The following HERC2 variants were observed in gnomAD, a reference collection of about 807,000 sequenced individuals.
The protein encoded by HERC2 is HECT and RLD domain containing E3 ubiquitin protein ligase 2.
A neutral mutation model predicts 537.7 loss-of-function variants in HERC2; 102 were observed. The ratio of observed to expected loss-of-function variants is 0.19; its 90% confidence interval spans 0.16 to 0.22. The LOEUF (loss-of-function observed/expected upper bound fraction) is 0.22, where lower values mean the gene tolerates loss of function less well. HERC2 is among the 10% of genes least tolerant of loss of function. HERC2 has a pLI of 1.00. For synonymous variants in HERC2, 2,224 were observed against 2,466.2 expected (o/e 0.90, Z 2.91); for missense variants, 4,236 against 6,198.2 (o/e 0.68, Z 10.63).
At chr15:28,248,447 A>G in intron 21 of HERC2, 105 bp downstream of exon 21, 2 of 760,036 alleles carry the variant, frequency 2.6e-6, no homozygotes, top group Non-Finnish European at 4.2e-6. Context: ...TGCATTTAGT[A>G]GTATAACAAC....
At chr15:28,182,999 A>G (rs1214434418) in intron 56 of HERC2, among the ~76,000 whole-genome samples, 2 of 152,208 alleles carry the variant, frequency 1.3e-5, no homozygotes, top group Admixed American at 6.5e-5. Flanking sequence ...ATGTGGCCAC[A>G]TGACCATGGA....
intron 38 of HERC2, among the ~76,000 whole-genome samples, 186 bp downstream of exon 38, chr15:28,218,303 T>C (rs1195064883): frequency 3.3e-5 from 5 of 152,058 alleles, no homozygotes; most frequent in Admixed American, 6.5e-5. Context: ...CCACCCTTGA[T>C]CTCAGCCTTC....
chr15:28,198,293 G>A lies in HERC2; in HGVS notation c.8011+85C>T, dbSNP rs1220002764. On this transcript the variant is annotated intron_variant, in intron 50 of 92. Coordinates refer to ENST00000261609, the MANE Select transcript of HERC2 (RefSeq NM_004667.6). The stretch of plus-strand genomic sequence containing the variant: ...TTCTTCAACACTTGTTTTCTGTTTT[G>A]TGTGCTTGAACAAAAAGAAATACTA... The A allele has an allele frequency of 2.1e-6, 3 of 1,433,724 alleles. No homozygotes were observed. In the African/African-American group the frequency reaches 4.3e-5, roughly 20 times the overall value. The allele number at this position is 1,433,724 out of a possible 1,614,324, so 88.8% of individuals were successfully genotyped here.
rs190532797 is a variant in HERC2, at chr15:28,209,383, A to G, written c.7069+1619T>C. On this transcript the variant is annotated intron_variant, in intron 44 of 92. Transcript: ENST00000261609. Reference sequence around the variant, plus strand: ...TTTTGAGACAGAGTCTCGCTCTGTCACCCAGGCTGGAGTGCAGTGACACGA... The same window carrying G: ...TTTTGAGACAGAGTCTCGCTCTGTCGCCCAGGCTGGAGTGCAGTGACACGA... Among the ~76,000 whole-genome samples the G allele has an allele frequency of 4.4e-3, 663 of 152,210 alleles. 7 individuals are homozygous for G. Among genetic ancestry groups the G allele is most frequent in the African/African-American group, 0.015 (620 of 41,544 alleles).
At chr15:28,162,623 C>T (rs1308224046) in intron 69 of HERC2, among the ~76,000 whole-genome samples, 2 of 152,112 alleles carry the variant, frequency 1.3e-5, no homozygotes, top group African/African-American at 2.4e-5. Context: ...AGGTTTGGTG[C>T]TCACTCCTGT....
intron 23 of HERC2, among the ~76,000 whole-genome samples, chr15:28,245,267 C>A (rs1227353193): frequency 6.6e-6 from 1 of 152,074 alleles, no homozygotes; most frequent in African/African-American, 2.4e-5. Flanking sequence ...CGAAATATAG[C>A]CGGGCGCAGT....
At chr15:28,178,304 G>T (rs575517842) in intron 59 of HERC2, among the ~76,000 whole-genome samples, 1 of 152,328 alleles carries the variant, frequency 6.6e-6, no homozygotes, top group African/African-American at 2.4e-5. Flanking sequence ...GGGGGCGAGA[G>T]CTAGTCTAAG....
chr15:28,274,519 C>A, intron 6 of HERC2, 72 bp from the exon 7 acceptor site: 1 of 1,465,224 alleles, frequency 6.8e-7, no homozygotes. Context: ...CACCCCTCAG[C>A]GAGAGATGAC....
At chr15:28,271,584 G>A (rs1454463307) in intron 9 of HERC2, among the ~76,000 whole-genome samples, 1 of 152,054 alleles carries the variant, frequency 6.6e-6, no homozygotes. Context: ...CAGGACAATG[G>A]TGTGAACCCA....
intron 4 of HERC2, among the ~76,000 whole-genome samples, chr15:28,289,720 G>C (rs537243027): frequency 6.6e-6 from 1 of 152,372 alleles, no homozygotes; most frequent in South Asian, 2.1e-4. Context: ...TAAAATCCAT[G>C]GACTTACGGG....
At chr15:28,251,210 A>C (rs2075066516) in intron 20 of HERC2, among the ~76,000 whole-genome samples, 1 of 152,212 alleles carries the variant, frequency 6.6e-6, no homozygotes. Context: ...TTGGAGGCCA[A>C]GGCGGGCAGA....
intron 30 of HERC2, among the ~76,000 whole-genome samples, chr15:28,231,297 C>T (rs1424620377): frequency 8.5e-5 from 13 of 152,174 alleles, no homozygotes; most frequent in Non-Finnish European, 1.8e-4. Flanking sequence ...GGTCCTTCTT[C>T]TAGGAGCTGA....
At chr15:28,314,650 T>C (rs1310993401) in intron 2 of HERC2, among the ~76,000 whole-genome samples, 1 of 149,878 alleles carries the variant, frequency 6.7e-6, no homozygotes, top group Non-Finnish European at 1.5e-5. Context: ...AGGTCAGGAG[T>C]TCAAGACCAG....
At chr15:28,140,641 C>T (rs1891125003) in intron 78 of HERC2, among the ~76,000 whole-genome samples, 2 of 151,900 alleles carry the variant, frequency 1.3e-5, no homozygotes, top group African/African-American at 4.8e-5. Flanking sequence ...CCTGCCTCAG[C>T]CTCCCGAGTA....
intron 2 of HERC2, among the ~76,000 whole-genome samples, chr15:28,306,442 T>G (rs910366804): frequency 6.6e-6 from 1 of 152,268 alleles, no homozygotes; most frequent in Non-Finnish European, 1.5e-5. Flanking sequence ...TGATGAATGA[T>G]GTTTTTAATG....
intron 20 of HERC2, among the ~76,000 whole-genome samples, chr15:28,252,010 C>A (rs1038486213): frequency 1.3e-5 from 2 of 152,064 alleles, no homozygotes; most frequent in African/African-American, 4.8e-5. Flanking sequence ...ATCTGATCTG[C>A]CCTAGACTCA....
Position 28,299,842 on chromosome 15 carries a change from A to AGG in HERC2, c.73-328_73-327dup, listed in dbSNP as rs1210688544. On this transcript the variant is annotated intron_variant, in intron 2 of 92. Transcript: ENST00000261609. The stretch of plus-strand genomic sequence containing the variant: ...CGAGCGGGGCACATCACGGGGGATC[A>AGG]GGAATTTGAGACCAGCCTGGCCAAC... 2.6e-5 allele frequency among the ~76,000 whole-genome samples: 4 copies of AGG among 152,122 alleles called. No individual in the cohort carries two copies. In the South Asian group the frequency reaches 6.2e-4, roughly 24 times the overall value.
chr15:28,296,303 A>C (rs898414126), intron 3 of HERC2, among the ~76,000 whole-genome samples: 2 of 152,070 alleles, frequency 1.3e-5, no homozygotes, highest in Non-Finnish European at 2.9e-5. Flanking sequence ...GTGAAACTCC[A>C]TCTTTATTAA....
At chr15:28,167,573 G>C in intron 68 of HERC2, 114 bp downstream of exon 68, 2 of 1,284,846 alleles carry the variant, frequency 1.6e-6, no homozygotes, top group East Asian at 2.4e-5. Context: ...CAAGTGGACA[G>C]CCGAGGTGAA....
Sources: allele counts gnomAD v4.1 joint callset (sites outside exome capture counted in the v4.1 genomes callset), GRCh38; gene constraint gnomAD v4.1.1; transcripts MANE v1.5; gene names NCBI Gene and HGNC (gene_info 2026-07-23, HGNC 2026-07-21).